Variants in TRABD2B observed in about 807,000 individuals in gnomAD.
TRABD2B encodes TraB domain containing 2B.
A neutral mutation model predicts 40.1 loss-of-function variants in TRABD2B; 14 were observed. The ratio of observed to expected loss-of-function variants is 0.35; its 90% confidence interval spans 0.23 to 0.55. TRABD2B has a LOEUF of 0.55. Among genes scored for constraint, TRABD2B ranks in the 20% least tolerant of loss-of-function variants. The pLI is 0.90. For missense variants in TRABD2B, 541 were observed against 648.6 expected (o/e 0.83, Z 1.80); for synonymous variants, 263 against 277.0 (o/e 0.95, Z 0.50).
intron 2 of TRABD2B, among the ~76,000 whole-genome samples, chr1:47,809,346 A>G (rs1644932102): frequency 6.6e-6 from 1 of 152,192 alleles, no homozygotes; most frequent in African/African-American, 2.4e-5. Flanking sequence ...CAATACACAC[A>G]TAGCAGCTGC....
intron 2 of TRABD2B, among the ~76,000 whole-genome samples, chr1:47,867,876 G>A (rs1346173101): frequency 2.6e-5 from 4 of 152,198 alleles, no homozygotes; most frequent in Admixed American, 2.0e-4. Flanking sequence ...AACTTTTGGA[G>A]ATGAATCATT....
intron 2 of TRABD2B, among the ~76,000 whole-genome samples, chr1:47,976,915 C>T (rs1011216128): frequency 6.6e-6 from 1 of 152,132 alleles, no homozygotes; most frequent in African/African-American, 2.4e-5. Context: ...CCAGTGGTAA[C>T]ACCTTACATA....
intron 6 of TRABD2B, among the ~76,000 whole-genome samples, chr1:47,773,469 G>C (rs1325313725): frequency 1.3e-5 from 2 of 152,246 alleles, no homozygotes; most frequent in African/African-American, 4.8e-5. Context: ...ATTCCCACGT[G>C]TTGTGGGAGG....
chr1:47,830,640 C>T (rs535968798), intron 2 of TRABD2B, among the ~76,000 whole-genome samples: 6 of 152,298 alleles, frequency 3.9e-5, no homozygotes, highest in Admixed American at 2.6e-4. Flanking sequence ...TATAGGATGA[C>T]GGATATTATT....
chr1:47,795,749 C>T, intron 3 of TRABD2B: 1 of 969,252 alleles, frequency 1.0e-6, no homozygotes, highest in Non-Finnish European at 1.2e-6. Flanking sequence ...CTGCTGCCAC[C>T]ACCAACTCCC....
chr1:47,986,978 A>G lies in TRABD2B; in HGVS notation c.666+7056T>C, dbSNP rs938303877. On this transcript the variant is annotated intron_variant, in intron 2 of 6. Coordinates refer to ENST00000606738, the MANE Select transcript of TRABD2B (RefSeq NM_001194986.2). Reference sequence around the variant, plus strand: ...TGGATAATATTTAGAAGCAAACTCAAGGGGAAAAGAGCGTCAGCAGCCCGG... The same window carrying G: ...TGGATAATATTTAGAAGCAAACTCAGGGGGAAAAGAGCGTCAGCAGCCCGG... Among the ~76,000 whole-genome samples the G allele has an allele frequency of 2.0e-5, 3 of 152,324 alleles. No individual in the cohort carries two copies. The South Asian group carries it at 6.2e-4, about 32-fold the overall frequency.
chr1:47,851,028 C>T (rs1172261868), intron 2 of TRABD2B, among the ~76,000 whole-genome samples: 1 of 152,064 alleles, frequency 6.6e-6, no homozygotes, highest in African/African-American at 2.4e-5. Flanking sequence ...TGGTAATGCT[C>T]GCTCACCTGC....
chr1:47,786,421 G>T lies in TRABD2B; in HGVS notation c.989-7877C>A, dbSNP rs1245160032. ...TCTAGACTCTCCTCTGTTTCGGAGG[G>T]TGAGGGCTGGCTCCAGCTAGGGACA... On this transcript the variant is annotated intron_variant, in intron 4 of 6. Coordinates refer to ENST00000606738, the MANE Select transcript of TRABD2B (RefSeq NM_001194986.2). Among the ~76,000 whole-genome samples the T allele has an allele frequency of 3.9e-5, 6 of 152,234 alleles. No individual in the cohort carries two copies. The East Asian group carries it at 1.2e-3, about 29-fold the overall frequency.
chr1:47,867,951 G>A (rs183287875), intron 2 of TRABD2B, among the ~76,000 whole-genome samples: 1 of 152,312 alleles, frequency 6.6e-6, no homozygotes, highest in Non-Finnish European at 1.5e-5. Flanking sequence ...CTGAAATGGA[G>A]TTTGGACTTC....
chr1:47,838,182 TGGTTTC>T (rs1645344850), intron 2 of TRABD2B, among the ~76,000 whole-genome samples: 1 of 152,230 alleles, frequency 6.6e-6, no homozygotes, highest in African/African-American at 2.4e-5. Flanking sequence ...CCAAGAACAC[TGGTTTC>T]CCTTTGTCAG....
chr1:47,814,233 G>A (rs1025749911), intron 2 of TRABD2B, among the ~76,000 whole-genome samples: 2 of 152,242 alleles, frequency 1.3e-5, no homozygotes, highest in African/African-American at 4.8e-5. Flanking sequence ...TGTGGCTGGT[G>A]GAGGTGGACA....
At position 47,823,339 on chromosome 1, in the gene TRABD2B, G is replaced by A. The variant is rs565564820; in HGVS notation, c.667-21720C>T. On this transcript the variant is annotated intron_variant, in intron 2 of 6. Coordinates refer to ENST00000606738, the MANE Select transcript of TRABD2B (RefSeq NM_001194986.2). ...AATCAGGACCTTGCTGTCCCAGCAG[G>A]TTCGTGCCTGGGTCACTGACTGGGG... is the stretch of plus-strand genomic sequence containing the variant. 2.6e-5 allele frequency among the ~76,000 whole-genome samples: 4 copies of A among 152,380 alleles called. No individual in the cohort carries two copies. The South Asian group carries it at 6.2e-4, about 24-fold the overall frequency.
chr1:47,994,382 C>G lies in TRABD2B; in HGVS notation c.318G>C (p.Gly106=), dbSNP rs182610978. Residue 106 remains glycine (G), a synonymous_variant, in exon 2 of 7, where the codon GGG becomes GGC. Coordinates refer to ENST00000606738, the MANE Select transcript of TRABD2B (RefSeq NM_001194986.2). The surrounding 1 kb of genome is among the most constrained non-coding windows in gnomAD (Gnocchi z 6.7). ...ALASCQLLPH[G]ENLQDVLPHE... ...GGGGCAGCACGTCCTGCAGGTTTTC[C>G]CCGTGCGGCAGCAGCTGGCAGCTGG... The G allele has an allele frequency of 6.5e-7, 1 of 1,536,192 alleles. No individual in the cohort carries two copies. Among genetic ancestry groups the G allele is most frequent in the East Asian group, 2.4e-5 (1 of 40,914 alleles).
chr1:47,989,005 T>C (rs1196250549), intron 2 of TRABD2B, among the ~76,000 whole-genome samples: 1 of 152,198 alleles, frequency 6.6e-6, no homozygotes, highest in Non-Finnish European at 1.5e-5. Context: ...ATGAGGTCTG[T>C]ACACTCACGA....
At chr1:47,921,681 C>A (rs900964820) in intron 2 of TRABD2B, among the ~76,000 whole-genome samples, 1 of 152,170 alleles carries the variant, frequency 6.6e-6, no homozygotes, top group Admixed American at 6.5e-5. Context: ...TTTGGCTTCA[C>A]GAACTTTTAT....
chr1:47,970,658 T>C (rs1390540244), intron 2 of TRABD2B, among the ~76,000 whole-genome samples: 1 of 152,156 alleles, frequency 6.6e-6, no homozygotes, highest in African/African-American at 2.4e-5. Context: ...CGTCTGTGGG[T>C]CAGCCGGGGG....
intron 4 of TRABD2B, among the ~76,000 whole-genome samples, chr1:47,781,159 G>A (rs930271778): frequency 6.6e-6 from 1 of 152,292 alleles, no homozygotes; most frequent in Non-Finnish European, 1.5e-5. Context: ...CCTCCAGCAC[G>A]CAGGCTGGAG....
intron 2 of TRABD2B, among the ~76,000 whole-genome samples, chr1:47,911,040 A>G (rs1197369145): frequency 1.3e-5 from 2 of 152,230 alleles, no homozygotes; most frequent in African/African-American, 4.8e-5. Context: ...GTGGAGAAGC[A>G]GTGAAAGGAG....
chr1:47,932,502 G>A (rs1005687082), intron 2 of TRABD2B, among the ~76,000 whole-genome samples: 1 of 152,134 alleles, frequency 6.6e-6, no homozygotes, highest in African/African-American at 2.4e-5. Flanking sequence ...GTGGAGTCAA[G>A]GGAGTTGTTT....
Sources: gnomAD v4.1 joint callset for allele counts (sites outside exome capture counted in the v4.1 genomes callset) on GRCh38, gnomAD v4.1.1 for gene constraint, Gnocchi (gnomAD v3.1) non-coding constraint, MANE v1.5 for transcripts, NCBI Gene and HGNC (gene_info 2026-07-23, HGNC 2026-07-21) for gene names.